Variants in GABRA4 observed in about 807,000 individuals in gnomAD.
The protein encoded by GABRA4 is gamma-aminobutyric acid receptor subunit alpha-4.
Under a neutral mutation model 49.7 loss-of-function variants are expected in GABRA4, and 12 were observed. That is an observed-to-expected ratio of 0.24 (90% CI 0.15 to 0.39). GABRA4 has a LOEUF of 0.39. GABRA4 is among the 10% of genes least tolerant of loss of function. The pLI is 1.00. For missense variants in GABRA4, 506 were observed against 686.0 expected, an observed-to-expected ratio of 0.74 and a Z score of 2.93; for synonymous variants, 288 against 240.2, an observed-to-expected ratio of 1.20 and a Z score of -1.84.
rs559676720 is a variant in GABRA4 at position 46,927,937 on chromosome 4, G to A, written c.*288C>T. 30 of 225,974 alleles carry A rather than the reference G, an allele frequency of 1.3e-4. No individual in the cohort carries two copies. The South Asian group carries it at 2.2e-3, about 17-fold the overall frequency. The allele number at this position is 225,974 out of a possible 1,614,324, so 14.0% of individuals were successfully genotyped here. ...TTCAAATATCAATGAAAAAATATGC[G>A]CCACTTGTCTCTAATAGCTCTATTT... On this transcript the variant is annotated 3_prime_UTR_variant, in exon 9 of 9. Coordinates refer to ENST00000264318, the MANE Select transcript of GABRA4 (RefSeq NM_000809.4).
intron 8 of GABRA4, among the ~76,000 whole-genome samples, chr4:46,943,110 C>T (rs939044746): frequency 1.9e-4 from 29 of 152,218 alleles, no homozygotes; most frequent in African/African-American, 6.3e-4. Flanking sequence ...GCCCAAAGTT[C>T]TTACCCTTAT....
intron 8 of GABRA4, among the ~76,000 whole-genome samples, chr4:46,960,419 A>G (rs1722534232): frequency 6.6e-6 from 1 of 151,812 alleles, no homozygotes; most frequent in Non-Finnish European, 1.5e-5. Flanking sequence ...TCATATTTTA[A>G]GTAAAATTGT....
In GABRA4 at chr4:46,950,819, G is replaced by A. The variant is rs147877054; in HGVS notation, c.1134+14151C>T. 7.2e-5 allele frequency among the ~76,000 whole-genome samples: 11 copies of A among 151,926 alleles called. No homozygotes were observed. The South Asian group carries it at 1.2e-3, about 17-fold the overall frequency. ...AAGCTTCAAGCTCCAAGAAAATCTC[G>A]TTTTTACTCCTTCAAAGCAAGATAT... is the stretch of plus-strand genomic sequence containing the variant. On this transcript the variant is annotated intron_variant, in intron 8 of 8. Transcript: ENST00000264318.
intron 8 of GABRA4, among the ~76,000 whole-genome samples, chr4:46,958,643 T>C (rs1393913671): frequency 6.6e-6 from 1 of 151,860 alleles, no homozygotes; most frequent in Non-Finnish European, 1.5e-5. Flanking sequence ...ACAGAACAGC[T>C]GGTTTGCCTT....
At chr4:46,944,130 T>C (rs1307780123) in intron 8 of GABRA4, among the ~76,000 whole-genome samples, 3 of 152,142 alleles carry the variant, frequency 2.0e-5, no homozygotes, top group Non-Finnish European at 4.4e-5. Context: ...ACGTTAAATA[T>C]TCTCACCACA....
intron 8 of GABRA4, among the ~76,000 whole-genome samples, chr4:46,952,138 C>T (rs1722194203): frequency 1.3e-5 from 2 of 152,086 alleles, no homozygotes; most frequent in East Asian, 1.9e-4. Context: ...AAGAAATCTC[C>T]ATACTGGTCA....
intron 8 of GABRA4, among the ~76,000 whole-genome samples, chr4:46,963,639 T>A (rs554055765): frequency 5.9e-5 from 9 of 151,890 alleles, no homozygotes; most frequent in African/African-American, 2.2e-4. Flanking sequence ...AGTGTGAAAA[T>A]GGACTAATAC....
intron 5 of GABRA4, among the ~76,000 whole-genome samples, chr4:46,974,731 C>A (rs1723077173): frequency 6.6e-6 from 1 of 151,938 alleles, no homozygotes; most frequent in Non-Finnish European, 1.5e-5. Context: ...ATTGAACTCC[C>A]AAAGCCGTAC....
rs1721032199 is a variant in GABRA4, at chr4:46,921,485, T to A, written c.*6740A>T. 6.6e-6 allele frequency: 1 copy of A among 152,044 alleles called. No individual in the cohort carries two copies. Among genetic ancestry groups the A allele is most frequent in the South Asian group, 2.1e-4 (1 of 4,836 alleles). 9.4% of individuals were successfully genotyped at this position (152,044 alleles called of 1,614,324 possible). A position where few individuals can be genotyped will look rare whatever the true frequency, so the allele number is the denominator to read the frequency against. On this transcript the variant is annotated 3_prime_UTR_variant, in exon 9 of 9. Coordinates refer to ENST00000264318, the MANE Select transcript of GABRA4 (RefSeq NM_000809.4). Reference sequence around the variant, plus strand: ...ACTACCAAGGAAAATGTAAAAAGAATTTATTTTTTATACAGGAGTTCTTTC... The same window carrying A: ...ACTACCAAGGAAAATGTAAAAAGAAATTATTTTTTATACAGGAGTTCTTTC...
intron 8 of GABRA4, among the ~76,000 whole-genome samples, chr4:46,948,009 TA>T (rs1431304940): frequency 6.6e-6 from 1 of 152,098 alleles, no homozygotes; most frequent in Non-Finnish European, 1.5e-5. Context: ...CAGAATGCCT[TA>T]CAGTATATTG....
At chr4:46,929,966 G>T (rs912433824) in intron 8 of GABRA4, among the ~76,000 whole-genome samples, 12 of 152,054 alleles carry the variant, frequency 7.9e-5, no homozygotes, top group African/African-American at 2.7e-4. Context: ...ACAATTAATT[G>T]AAATCTCACT....
chr4:46,928,565 G>C lies in GABRA4; in HGVS notation c.1325C>G (p.Ala442Gly). The C allele has an allele frequency of 6.2e-7, 1 of 1,613,696 alleles. No homozygotes were observed. Among genetic ancestry groups the C allele is most frequent in the Non-Finnish European group, 8.5e-7 (1 of 1,179,760 alleles). Residue 442 changes from alanine (A) to glycine (G), a missense_variant, in exon 9 of 9, where the codon GCT (alanine) becomes GGT (glycine). This residue lies in a region of GABRA4 where 243 missense variants were observed against 210.8 expected (regional missense o/e 1.15). Coordinates refer to ENST00000264318, the MANE Select transcript of GABRA4 (RefSeq NM_000809.4). Reference sequence around the variant, plus strand: ...TGCTCTTGCTGCAGATATGGTTTCAGCTGCATTTGCACGGCTGAATGGGTT... The same window carrying C: ...TGCTCTTGCTGCAGATATGGTTTCACCTGCATTTGCACGGCTGAATGGGTT... ...SPNPFSRANAAETISAARALP... is the reference protein window; with the variant it reads ...SPNPFSRANAGETISAARALP...
At chr4:46,983,593 C>T (rs1384470068) in intron 2 of GABRA4, among the ~76,000 whole-genome samples, 1 of 152,036 alleles carries the variant, frequency 6.6e-6, no homozygotes, top group African/African-American at 2.4e-5. Flanking sequence ...TATTTGTATC[C>T]TCTGGCAGGA....
At chr4:46,963,491 C>G (rs1463129397) in intron 8 of GABRA4, among the ~76,000 whole-genome samples, 1 of 151,726 alleles carries the variant, frequency 6.6e-6, no homozygotes, top group African/African-American at 2.4e-5. Flanking sequence ...TTGCTTCTTC[C>G]TCATTTTTCT....
At chr4:46,969,122 G>C (rs1404530097) in intron 7 of GABRA4, among the ~76,000 whole-genome samples, 1 of 151,566 alleles carries the variant, frequency 6.6e-6, no homozygotes, top group Admixed American at 6.6e-5. Flanking sequence ...AAGGTCCACA[G>C]CTAATAAGTG....
At chr4:46,974,517 G>T in intron 5 of GABRA4, 142 bp from the exon 6 acceptor site, 2 of 759,362 alleles carry the variant, frequency 2.6e-6, no homozygotes, top group Non-Finnish European at 3.8e-6. Flanking sequence ...CTATAATTTA[G>T]TTCACTATAA....
rs1407625248 is a variant in GABRA4 at position 46,920,223 on chromosome 4, A to G, written c.*8002T>C. 4 of 151,710 alleles carry G rather than the reference A, an allele frequency of 2.6e-5. No individual in the cohort carries two copies. The highest frequency in any genetic ancestry group is 4.8e-5 in the African/African-American group (2 of 41,418). 9.4% of individuals were successfully genotyped at this position (151,710 alleles called of 1,614,324 possible). A position where few individuals can be genotyped will look rare whatever the true frequency, so the allele number is the denominator to read the frequency against. On this transcript the variant is annotated 3_prime_UTR_variant, in exon 9 of 9. Transcript: ENST00000264318. ...AGGAAGCTGTTTTCTATGGACTTCA[A>G]GTAATAATTTGTATAGATACCCATG... is the stretch of plus-strand genomic sequence containing the variant.
Position 46,920,364 on chromosome 4 carries a change from A to T in GABRA4, c.*7861T>A, listed in dbSNP as rs1056382889. On this transcript the variant is annotated 3_prime_UTR_variant, in exon 9 of 9. Coordinates refer to ENST00000264318, the MANE Select transcript of GABRA4 (RefSeq NM_000809.4). ...GGTATTTGCCAGTCTCCTTTAATGG[A>T]TACTATAGTAATAATAAAAATGAGA... 3.3e-5 allele frequency: 5 copies of T among 151,670 alleles called. No homozygotes were observed. Among genetic ancestry groups the T allele is most frequent in the African/African-American group, 1.2e-4 (5 of 41,414 alleles). 9.4% of individuals were successfully genotyped at this position (151,670 alleles called of 1,614,324 possible). A position where few individuals can be genotyped will look rare whatever the true frequency, so the allele number is the denominator to read the frequency against.
At chr4:46,930,920 A>G (rs1009424232) in intron 8 of GABRA4, among the ~76,000 whole-genome samples, 4 of 151,808 alleles carry the variant, frequency 2.6e-5, no homozygotes, top group Non-Finnish European at 1.5e-5. Context: ...CAAACTTGAG[A>G]GAGTTGCCAT....
Sources: allele counts gnomAD v4.1 joint callset (sites outside exome capture counted in the v4.1 genomes callset), GRCh38; gene constraint gnomAD v4.1.1; regional missense constraint gnomAD v4.1.1; transcripts MANE v1.5; gene names NCBI Gene and HGNC (gene_info 2026-07-23, HGNC 2026-07-21).